Variants in ARFGEF1 observed in about 807,000 individuals in gnomAD.
ARFGEF1 encodes the protein brefeldin A-inhibited guanine nucleotide-exchange protein 1.
A neutral mutation model predicts 231.0 loss-of-function variants in ARFGEF1; 42 were observed. That is an observed-to-expected ratio of 0.18 (90% CI 0.14 to 0.24). The LOEUF (loss-of-function observed/expected upper bound fraction) is 0.24, where lower values mean the gene tolerates loss of function less well. Among genes scored for constraint, ARFGEF1 ranks in the 10% least tolerant of loss-of-function variants. The pLI, the probability that ARFGEF1 is intolerant of heterozygous loss-of-function variation, is 1.00. For synonymous variants in ARFGEF1, 710 were observed against 732.3 expected (o/e 0.97, Z 0.49); for missense variants, 1,345 against 2,192.0 (o/e 0.61, Z 7.72).
At position 67,246,435 on chromosome 8, in the gene ARFGEF1, G is replaced by T. The variant is rs1840109315; in HGVS notation, c.2850+4864C>A. On this transcript the variant is annotated intron_variant, in intron 19 of 38. Transcript: ENST00000262215. ...TTTCTGGTACAACGGAATAAAACTA[G>T]AAATCAGTAACAAGAATAATTTTAG... is the stretch of plus-strand genomic sequence containing the variant. Among the ~76,000 whole-genome samples the T allele has an allele frequency of 2.0e-5, 3 of 150,246 alleles. 1 individual carries two copies. The highest frequency in any genetic ancestry group is 7.5e-5 in the African/African-American group (3 of 40,260).
intron 1 of ARFGEF1, among the ~76,000 whole-genome samples, chr8:67,327,485 A>G (rs1253634636): frequency 6.6e-6 from 1 of 151,858 alleles, no homozygotes; most frequent in Non-Finnish European, 1.5e-5. Flanking sequence ...AGCTTGGCTA[A>G]TTTTTTGGAT....
At chr8:67,295,688 A>C (rs1486874572) in intron 5 of ARFGEF1, among the ~76,000 whole-genome samples, 1 of 152,198 alleles carries the variant, frequency 6.6e-6, no homozygotes, top group Non-Finnish European at 1.5e-5. Context: ...TCCTGGGTCA[A>C]ATCTTAAAAC....
chr8:67,198,646 A>G lies in ARFGEF1; in HGVS notation c.*288T>C. On this transcript the variant is annotated 3_prime_UTR_variant, in exon 39 of 39. Coordinates refer to ENST00000262215, the MANE Select transcript of ARFGEF1 (RefSeq NM_006421.5). ...GTAAGTTTCACTTCCACACCTGCCA[A>G]AAACGTGGGGCTTTTCCTGCCGTGG... 2 of 1,124,504 alleles carry G rather than the reference A, an allele frequency of 1.8e-6. No homozygotes were observed. The highest frequency in any genetic ancestry group is 2.2e-6 in the Non-Finnish European group (2 of 918,912). The allele number at this position is 1,124,504 out of a possible 1,614,324, so 69.7% of individuals were successfully genotyped here. A position where few individuals can be genotyped will look rare whatever the true frequency, so the allele number is the denominator to read the frequency against.
chr8:67,265,500 T>C (rs1804815060), intron 14 of ARFGEF1, among the ~76,000 whole-genome samples: 1 of 151,998 alleles, frequency 6.6e-6, no homozygotes, highest in South Asian at 2.1e-4. Context: ...CAAAGCTTAG[T>C]GGGAAAACTG....
At chr8:67,195,009 A>G (rs892718535), downstream of ARFGEF1, among the ~76,000 whole-genome samples, 11 of 152,326 alleles carry the variant, frequency 7.2e-5, no homozygotes, top group East Asian at 2.1e-3. Flanking sequence ...AAGAAATTTT[A>G]TGTGTAGCCA....
intron 5 of ARFGEF1, chr8:67,179,715 T>A (rs373418478): frequency 4.3e-5 from 25 of 577,450 alleles, no homozygotes; most frequent in East Asian, 2.0e-4. Context: ...CAGTATTTTC[T>A]GAGCATTGGA....
At chr8:67,307,757 G>C (rs1417961612) in intron 1 of ARFGEF1, among the ~76,000 whole-genome samples, 6 of 152,080 alleles carry the variant, frequency 3.9e-5, no homozygotes, top group Admixed American at 6.5e-5. Flanking sequence ...GACCACTATG[G>C]TATCTGCCAT....
In ARFGEF1 at chr8:67,276,078, C is replaced by T; in HGVS notation, c.1235G>A (p.Gly412Asp). The stretch of plus-strand genomic sequence containing the variant: ...TTGTAAAATGTGGGAAAACTTAGCA[C>T]CAGGTGAAGGTCCTGAAGAATTTCC... ...ESGNSSGPSP[G>D]AKFSHILQKD... The change falls in exon 9 of 39, where the codon GGT becomes GAT. Residue 412 changes from glycine (G) to aspartate (D), a missense_variant. This residue lies in a region of ARFGEF1 where 141 missense variants were observed against 259.9 expected (regional missense o/e 0.54). Coordinates refer to ENST00000262215, the MANE Select transcript of ARFGEF1 (RefSeq NM_006421.5). The T allele has an allele frequency of 6.2e-7, 1 of 1,613,258 alleles. No homozygotes were observed. The highest frequency in any genetic ancestry group is 2.2e-5 in the East Asian group (1 of 44,820).
chr8:67,188,164 A>T (rs999266098), intron 5 of ARFGEF1, among the ~76,000 whole-genome samples: 2 of 152,250 alleles, frequency 1.3e-5, no homozygotes, highest in Non-Finnish European at 2.9e-5. Flanking sequence ...TCCAAAATAC[A>T]CAAAGAAATC....
chr8:67,176,984 T>TTGC (rs994545517), intron 5 of ARFGEF1, among the ~76,000 whole-genome samples: 7 of 151,146 alleles, frequency 4.6e-5, no homozygotes, highest in African/African-American at 1.7e-4. Flanking sequence ...GTCAGGAGAA[T>TTGC]TGCTTGAACC....
Position 67,343,428 on chromosome 8 carries a change from A to C in ARFGEF1, c.-141T>G, listed in dbSNP as rs1808755852. ...TGGAGGCGTGGAGGGCAGCGGCAGG[A>C]TCAGGAAGGGGCGGGCGAGCGGGAC... is the stretch of plus-strand genomic sequence containing the variant. On this transcript the variant is annotated 5_prime_UTR_variant, in exon 1 of 39. Coordinates refer to ENST00000262215, the MANE Select transcript of ARFGEF1 (RefSeq NM_006421.5). 1 of 1,407,638 alleles carries C rather than the reference A, an allele frequency of 7.1e-7. No homozygotes were observed. Among genetic ancestry groups the C allele is most frequent in the Non-Finnish European group, 9.3e-7 (1 of 1,076,158 alleles). The allele number at this position is 1,407,638 out of a possible 1,614,324, so 87.2% of individuals were successfully genotyped here.
chr8:67,217,943 A>G, intron 31 of ARFGEF1, 23 bp from the exon 32 acceptor site: 1 of 1,613,036 alleles, frequency 6.2e-7, no homozygotes, highest in Middle Eastern at 1.7e-4. Context: ...AGAGCAATTC[A>G]TTTATATATT....
intron 19 of ARFGEF1, among the ~76,000 whole-genome samples, chr8:67,249,133 G>A (rs1392295954): frequency 1.3e-5 from 2 of 150,060 alleles, no homozygotes; most frequent in Non-Finnish European, 2.9e-5. Context: ...TCCTTATCTC[G>A]TACATGTATA....
At chr8:67,316,876 G>A (rs1807341842) in intron 1 of ARFGEF1, among the ~76,000 whole-genome samples, 1 of 152,078 alleles carries the variant, frequency 6.6e-6, no homozygotes, top group South Asian at 2.1e-4. Context: ...TGAACCCCTT[G>A]GACAGTTTCA....
intron 1 of ARFGEF1, among the ~76,000 whole-genome samples, chr8:67,317,610 A>T (rs972355256): frequency 4.6e-4 from 59 of 127,162 alleles, no homozygotes; most frequent in Middle Eastern, 4.0e-3. Flanking sequence ...ACTAATATTT[A>T]AAAAAAAAAA....
intron 34 of ARFGEF1, among the ~76,000 whole-genome samples, chr8:67,206,806 C>A (rs1838539613): frequency 1.3e-5 from 2 of 152,216 alleles, no homozygotes. Flanking sequence ...AAGGGAGCTG[C>A]CTACTAGACA....
intron 1 of ARFGEF1, among the ~76,000 whole-genome samples, chr8:67,305,428 G>A (rs1478544126): frequency 2.0e-5 from 3 of 152,154 alleles, no homozygotes; most frequent in African/African-American, 7.2e-5. Flanking sequence ...GATAAAGCTT[G>A]CTCTTGTTGC....
chr8:67,307,465 CA>C (rs1563905428), intron 1 of ARFGEF1, among the ~76,000 whole-genome samples: 2 of 152,228 alleles, frequency 1.3e-5, no homozygotes, highest in East Asian at 3.9e-4. Flanking sequence ...ATTCCACGGA[CA>C]AGGAAGAAGA....
At chr8:67,291,361 A>G (rs1457853240) in intron 6 of ARFGEF1, among the ~76,000 whole-genome samples, 2 of 152,144 alleles carry the variant, frequency 1.3e-5, no homozygotes, top group African/African-American at 2.4e-5. Context: ...ATTTTAAAAA[A>G]TGAAAATTTC....
Sources: gnomAD v4.1 joint callset for allele counts (sites outside exome capture counted in the v4.1 genomes callset) on GRCh38, gnomAD v4.1.1 for gene constraint, gnomAD v4.1.1 regional missense constraint, MANE v1.5 for transcripts, NCBI Gene and HGNC (gene_info 2026-07-23, HGNC 2026-07-21) for gene names.